The following EYS variants were observed in gnomAD, a reference collection of about 807,000 sequenced individuals.
EYS encodes the protein EGF-like photoreceptor maintenance factor, also known as protein eyes shut homolog.
Under a neutral mutation model 282.1 loss-of-function variants are expected in EYS, and 250 were observed. That is an observed-to-expected ratio of 0.89 (90% CI 0.80 to 0.98). EYS has a LOEUF of 0.98. Among genes scored for constraint, EYS ranks in the 50% least tolerant of loss-of-function variants. EYS has a pLI of 0.00. For synonymous variants in EYS, 1,355 were observed against 1,282.9 expected (o/e 1.06, Z -1.20); for missense variants, 4,016 against 3,709.0 (o/e 1.08, Z -2.15).
At chr6:64,343,235 C>G (rs1278802864) in intron 29 of EYS, among the ~76,000 whole-genome samples, 3 of 151,938 alleles carry the variant, frequency 2.0e-5, no homozygotes, top group Non-Finnish European at 4.4e-5. Context: ...CTCTCCACCC[C>G]AAATCAACAG....
chr6:65,077,077 C>T (rs1389945286), intron 12 of EYS, among the ~76,000 whole-genome samples: 1 of 151,940 alleles, frequency 6.6e-6, no homozygotes, highest in Non-Finnish European at 1.5e-5. Flanking sequence ...CCTGTAGTCA[C>T]GTCTACACAC....
In EYS at chr6:64,591,180, C is replaced by T. The variant is rs1343217961; in HGVS notation, c.4687G>A (p.Glu1563Lys). 6.4e-7 allele frequency: 1 copy of T among 1,551,312 alleles called. No homozygotes were observed. The highest frequency in any genetic ancestry group is 8.7e-7 in the Non-Finnish European group (1 of 1,146,772). The change falls in exon 26 of 43, where the codon GAA (glutamate) becomes AAA (lysine). Residue 1563 changes from glutamate (E) to lysine (K), a missense_variant. By Grantham distance (56) the Glu-to-Lys change is moderately conservative. Coordinates refer to ENST00000503581, the MANE Select transcript of EYS (RefSeq NM_001142800.2). Reference protein sequence around the residue: ...SQTCATCSMTEIKSSREFSDQ... With the variant: ...SQTCATCSMTKIKSSREFSDQ... ...GAGAATTCACGAGAGGATTTTATTTCAGTCATAGAACATGTTGCACATGTT... is the reference window on the plus strand; with the variant it reads ...GAGAATTCACGAGAGGATTTTATTTTAGTCATAGAACATGTTGCACATGTT...
chr6:64,293,596 G>A (rs1743023467), intron 30 of EYS, among the ~76,000 whole-genome samples: 3 of 152,022 alleles, frequency 2.0e-5, no homozygotes, highest in Non-Finnish European at 4.4e-5. Flanking sequence ...GTAATAAAGG[G>A]TAAGATGGTG....
At chr6:64,267,385 C>G (rs1375593552) in intron 30 of EYS, among the ~76,000 whole-genome samples, 4 of 152,054 alleles carry the variant, frequency 2.6e-5, no homozygotes, top group Non-Finnish European at 5.9e-5. Context: ...TACTAACTCT[C>G]CCACCCATAC....
At position 65,320,991 on chromosome 6, in the gene EYS, T is replaced by G. The variant is rs548880315; in HGVS notation, c.1766+13989A>C. On this transcript the variant is annotated intron_variant, in intron 11 of 42. Coordinates refer to ENST00000503581, the MANE Select transcript of EYS (RefSeq NM_001142800.2). The stretch of plus-strand genomic sequence containing the variant: ...CTCCCTCTGCTCAATTGTTTTCCCC[T>G]TCTTTTCACAGCTGTTGGTCCCAAG... Among the ~76,000 whole-genome samples the G allele has an allele frequency of 5.3e-5, 8 of 152,338 alleles. No individual in the cohort carries two copies. The South Asian group carries it at 1.4e-3, about 28-fold the overall frequency.
intron 22 of EYS, among the ~76,000 whole-genome samples, chr6:64,665,256 T>C (rs576142553): frequency 6.6e-6 from 1 of 152,310 alleles, no homozygotes; most frequent in Admixed American, 6.5e-5. Flanking sequence ...ATAATCTTTT[T>C]AGGTAATGTG....
chr6:65,259,500 T>A (rs964918950), intron 12 of EYS, among the ~76,000 whole-genome samples: 2 of 152,102 alleles, frequency 1.3e-5, no homozygotes, highest in Non-Finnish European at 2.9e-5. Flanking sequence ...ATGGTTGATG[T>A]GTTTTTATAC....
At chr6:65,579,449 C>T (rs950838950) in intron 2 of EYS, among the ~76,000 whole-genome samples, 4 of 152,028 alleles carry the variant, frequency 2.6e-5, no homozygotes, top group Non-Finnish European at 5.9e-5. Flanking sequence ...TTAGCCAGCT[C>T]GGCTGCCAAA....
intron 13 of EYS, among the ~76,000 whole-genome samples, chr6:65,043,683 G>A (rs1773009265): frequency 6.6e-6 from 1 of 151,158 alleles, no homozygotes; most frequent in African/African-American, 2.4e-5. Flanking sequence ...TTAACATAAT[G>A]TTCTCCCTAT....
At chr6:64,425,961 T>C (rs1193088180) in intron 28 of EYS, among the ~76,000 whole-genome samples, 3 of 151,984 alleles carry the variant, frequency 2.0e-5, no homozygotes, top group Non-Finnish European at 4.4e-5. Context: ...AAATTTAAGA[T>C]ACAGATGAGG....
At chr6:65,392,745 A>C (rs1022086152) in intron 7 of EYS, among the ~76,000 whole-genome samples, 7 of 151,682 alleles carry the variant, frequency 4.6e-5, no homozygotes, top group Non-Finnish European at 7.4e-5. Flanking sequence ...TAGTTCAACC[A>C]TTGTGGAAGT....
chr6:64,255,638 A>G (rs1562274469), intron 30 of EYS, among the ~76,000 whole-genome samples: 1 of 152,074 alleles, frequency 6.6e-6, no homozygotes, highest in Non-Finnish European at 1.5e-5. Flanking sequence ...CACTTTAAAA[A>G]TCATTACTAT....
At position 65,342,236 on chromosome 6, in the gene EYS, AT is replaced by A. The variant is rs143746672; in HGVS notation, c.1599+1801del. On this transcript the variant is annotated intron_variant, in intron 10 of 42. Coordinates refer to ENST00000503581, the MANE Select transcript of EYS (RefSeq NM_001142800.2). ...ATGACACTTCAGAAAAATTAGCCTG[AT>A]TTAATTTAACTTTAAGAGAAATATT... 9.7e-3 allele frequency among the ~76,000 whole-genome samples: 902 copies of A among 92,858 alleles called. 8 individuals are homozygous for A. Among genetic ancestry groups the A allele is most frequent in the Middle Eastern group, 0.025 (5 of 198 alleles). The allele number at this position is 92,858 out of a possible 152,430, so 60.9% of individuals were successfully genotyped here.
At chr6:63,839,675 A>G (rs1392243277) in intron 36 of EYS, among the ~76,000 whole-genome samples, 9 of 152,122 alleles carry the variant, frequency 5.9e-5, no homozygotes, top group Admixed American at 5.9e-4. Context: ...GTGCTCCAGT[A>G]AACACGAGAA....
intron 40 of EYS, among the ~76,000 whole-genome samples, chr6:63,770,363 A>G (rs1260877186): frequency 1.3e-5 from 2 of 152,136 alleles, no homozygotes; most frequent in African/African-American, 4.8e-5. Flanking sequence ...ACAGAGAATG[A>G]AAGTTATTGG....
rs559475233 is a variant in EYS at position 63,956,086 on chromosome 6, A to AC, written c.7055+28296dup. Among the ~76,000 whole-genome samples, 660 of 150,114 alleles carry AC rather than the reference A, an allele frequency of 4.4e-3. 3 individuals are homozygous for AC. Among genetic ancestry groups the AC allele is most frequent in the African/African-American group, 0.015 (602 of 40,730 alleles). Reference sequence around the variant, plus strand: ...ACATTGCCCATTATCTCTCCATACCACCCCCCACAATTTTCACTGCCCCAA... The same window carrying AC: ...ACATTGCCCATTATCTCTCCATACCACCCCCCCACAATTTTCACTGCCCCAA... On this transcript the variant is annotated intron_variant, in intron 35 of 42. Transcript: ENST00000503581.
intron 7 of EYS, among the ~76,000 whole-genome samples, chr6:65,385,691 TAA>T (rs1377152529): frequency 6.6e-6 from 1 of 152,010 alleles, no homozygotes; most frequent in Non-Finnish European, 1.5e-5. Context: ...TTAATAAAAT[TAA>T]GTTTGTCCTA....
chr6:65,460,529 T>C (rs1256413306), intron 5 of EYS, among the ~76,000 whole-genome samples: 1 of 151,982 alleles, frequency 6.6e-6, no homozygotes, highest in Non-Finnish European at 1.5e-5. Flanking sequence ...ACCAGGCCAG[T>C]TGAAAATAAT....
At chr6:64,708,314 C>A (rs369971618) in intron 22 of EYS, among the ~76,000 whole-genome samples, 1 of 152,176 alleles carries the variant, frequency 6.6e-6, no homozygotes, top group Admixed American at 6.5e-5. Context: ...TCCAAAGCAA[C>A]CTATTCTGAT....
Sources: gnomAD v4.1 joint callset for allele counts (sites outside exome capture counted in the v4.1 genomes callset) on GRCh38, gnomAD v4.1.1 for gene constraint, MANE v1.5 for transcripts, NCBI Gene and HGNC (gene_info 2026-07-23, HGNC 2026-07-21) for gene names.